The following ZNF839 variants were observed in gnomAD, a reference collection of about 807,000 sequenced individuals.
The protein encoded by ZNF839 is zinc finger protein 839, also known as renal carcinoma antigen NY-REN-50.
In ZNF839, 38 loss-of-function variants were observed where a neutral mutation model predicts 56.4. That is an observed-to-expected ratio of 0.67 (90% CI 0.52 to 0.88). The LOEUF (loss-of-function observed/expected upper bound fraction) is 0.88. ZNF839 is among the 40% of genes least tolerant of loss of function. The pLI, the probability that ZNF839 is intolerant of heterozygous loss-of-function variation, is 0.00. For synonymous variants in ZNF839, 486 were observed against 493.5 expected, an observed-to-expected ratio of 0.98 and a Z score of 0.20; for missense variants, 1,091 against 1,177.6, an observed-to-expected ratio of 0.93 and a Z score of 1.08.
rs978415671 is a variant in ZNF839 at position 102,330,087 on chromosome 14, G to A, written c.1192-1535G>A. On this transcript the variant is annotated intron_variant, in intron 2 of 7. Coordinates refer to ENST00000442396, the MANE Select transcript of ZNF839 (RefSeq NM_018335.6). ...TAGGATTACAGGCGTGAGCCATTGCGCCCGGCCTCAGATTTTCTACTTCTT... is the reference window on the plus strand; with the variant it reads ...TAGGATTACAGGCGTGAGCCATTGCACCCGGCCTCAGATTTTCTACTTCTT... Among the ~76,000 whole-genome samples the A allele has an allele frequency of 4.0e-5, 6 of 151,694 alleles. No individual in the cohort carries two copies. The South Asian group carries it at 1.2e-3, about 32-fold the overall frequency.
chr14:102,326,106 A>G lies in ZNF839; in HGVS notation c.410A>G (p.Asn137Ser), dbSNP rs1567285215. The change falls in exon 2 of 8, where the codon AAT becomes AGT. Residue 137 changes from asparagine (N) to serine (S), a missense_variant. By Grantham distance (46) the Asn-to-Ser change is conservative (BLOSUM62 1). Around this residue, in one of 3 missense-constraint regions of ZNF839, gnomAD observed 614 missense variants for 629.2 expected, o/e 0.98. Transcript: ENST00000442396. This position sits in a 1 kb window ranked among gnomAD's most constrained non-coding sequence, Gnocchi z 4.3. Reference sequence around the variant, plus strand: ...AGAAAGAGCCAGCTGCCCCGGGGGAATTCCTGCCTGGTGGGGCTCCATATC... The same window carrying G: ...AGAAAGAGCCAGCTGCCCCGGGGGAGTTCCTGCCTGGTGGGGCTCCATATC... ...TARKSQLPRGNSCLVGLHIAS... is the reference protein window; with the variant it reads ...TARKSQLPRGSSCLVGLHIAS... The G allele has an allele frequency of 5.6e-6, 9 of 1,613,938 alleles. No individual in the cohort carries two copies. Among genetic ancestry groups the G allele is most frequent in the East Asian group, 2.2e-5 (1 of 44,884 alleles).
Position 102,341,604 on chromosome 14 carries a change from A to G in ZNF839, c.2209A>G (p.Thr737Ala), listed in dbSNP as rs184177701. The G allele has an allele frequency of 6.2e-7, 1 of 1,613,878 alleles. No homozygotes were observed. The highest frequency in any genetic ancestry group is 8.5e-7 in the Non-Finnish European group (1 of 1,179,850). ...NALEHSSDQD[T>A]WDSLRSPGFC... is the part of the protein sequence containing the mutation. ...TTTGGAACACTCTTCAGACCAGGAC[A>G]CCTGGGACAGCCTGAGGAGCCCGGG... The change falls in exon 8 of 8, where the codon ACC becomes GCC. Residue 737 changes from threonine (T) to alanine (A), a missense_variant. Physicochemically the swap from Thr to Ala is moderately conservative, Grantham distance 58. Coordinates refer to ENST00000442396, the MANE Select transcript of ZNF839 (RefSeq NM_018335.6).
rs1421104945 is a variant in ZNF839, at chr14:102,335,761, G to A, written c.1582G>A (p.Val528Ile). 1.2e-6 allele frequency: 2 copies of A among 1,604,302 alleles called. No individual in the cohort carries two copies. Among genetic ancestry groups the A allele is most frequent in the South Asian group, 1.1e-5 (1 of 91,070 alleles). Residue 528 changes from valine to isoleucine, a missense_variant, in exon 5 of 8, where the codon GTT (valine) becomes ATT (isoleucine). Val to Ile is a conservative substitution (Grantham distance 29, BLOSUM62 3). Around this residue, in one of 3 missense-constraint regions of ZNF839, gnomAD observed 46 missense variants for 80.4 expected, o/e 0.57. Transcript: ENST00000442396. ...GGAATTTGAAGAGTTGCATAAAATG[G>A]TTAAGAAAATGTGCCAAGATTACCT... ...YKEFEELHKM[V>I]KKMCQDYLSS...
chr14:102,320,541 A>G (rs889389332), intron 1 of ZNF839, among the ~76,000 whole-genome samples: 1 of 152,230 alleles, frequency 6.6e-6, no homozygotes, highest in African/African-American at 2.4e-5. Context: ...GAGCTGAAAC[A>G]TAAATGAATT....
At chr14:102,328,375 AAT>A (rs71116898) in intron 2 of ZNF839, among the ~76,000 whole-genome samples, 39 of 16,348 alleles carry the variant, frequency 2.4e-3, no homozygotes, top group Admixed American at 6.3e-3. Flanking sequence ...AAAAAAAAAA[AAT>A]ATATATATAT....
intron 5 of ZNF839, 64 bp from the exon 6 acceptor site, chr14:102,338,752 A>C: frequency 1.2e-6 from 2 of 1,600,042 alleles, no homozygotes; most frequent in Non-Finnish European, 1.7e-6. Flanking sequence ...CTTGCATGTG[A>C]ATGTGCTTCT....
intron 1 of ZNF839, among the ~76,000 whole-genome samples, chr14:102,321,938 A>G (rs2073150586): frequency 6.6e-6 from 1 of 152,128 alleles, no homozygotes; most frequent in African/African-American, 2.4e-5. Flanking sequence ...GCACAGACCA[A>G]TGGACACACT....
intron 4 of ZNF839, 62 bp downstream of exon 4, chr14:102,334,708 T>C (rs1161860218): frequency 1.2e-6 from 1 of 829,992 alleles, no homozygotes; most frequent in Admixed American, 3.3e-5. Flanking sequence ...AGAAATAATA[T>C]TATTATTTAT....
chr14:102,326,151 G>A lies in ZNF839; in HGVS notation c.455G>A (p.Arg152Lys), dbSNP rs1432967320. The A allele has an allele frequency of 6.2e-7, 1 of 1,613,850 alleles. No homozygotes were observed. Among genetic ancestry groups the A allele is most frequent in the Admixed American group, 1.7e-5 (1 of 60,000 alleles). Residue 152 changes from arginine (R) to lysine (K), a missense_variant, in exon 2 of 8, where the codon AGG becomes AAG. Physicochemically the swap from Arg to Lys is conservative, Grantham distance 26 (BLOSUM62 2). Around this residue, in one of 3 missense-constraint regions of ZNF839, gnomAD observed 614 missense variants for 629.2 expected, o/e 0.98. Transcript: ENST00000442396. This position sits in a 1 kb window ranked among gnomAD's most constrained non-coding sequence, Gnocchi z 4.3. ...GLHIASPQLL[R>K]VQPLVRTEPQ... ...CATATCGCCAGCCCTCAGCTGCTCA[G>A]GGTACAGCCGCTTGTGAGAACCGAG...
intron 7 of ZNF839, among the ~76,000 whole-genome samples, chr14:102,339,738 G>C (rs1413530826): frequency 2.6e-5 from 4 of 151,374 alleles, no homozygotes; most frequent in African/African-American, 9.7e-5. Flanking sequence ...AACAGAGTGA[G>C]ACTCCATCTC....
At chr14:102,331,513 G>C in intron 2 of ZNF839, 109 bp from the exon 3 acceptor site, 1 of 948,436 alleles carries the variant, frequency 1.1e-6, no homozygotes, top group Non-Finnish European at 1.6e-6. Flanking sequence ...GGCTCCCAAA[G>C]TGCTGGGATT....
In ZNF839 at chr14:102,326,182, G is replaced by T. The variant is rs372423800; in HGVS notation, c.486G>T (p.Gln162His). 1 of 1,613,698 alleles carries T rather than the reference G, an allele frequency of 6.2e-7. No homozygotes were observed. The highest frequency in any genetic ancestry group is 8.5e-7 in the Non-Finnish European group (1 of 1,179,784). The change falls in exon 2 of 8, where the codon CAG (glutamine) becomes CAT (histidine). Residue 162 changes from glutamine (Q) to histidine (H), a missense_variant. Physicochemically the swap from Gln to His is conservative, Grantham distance 24 (BLOSUM62 0). Transcript: ENST00000442396. The surrounding 1 kb of genome is among the most constrained non-coding windows in gnomAD (Gnocchi z 4.3). ...AGCCGCTTGTGAGAACCGAGCCACA[G>T]TCCTGCTTCCTAAGTGACTTATGCC... Reference protein sequence around the residue: ...RVQPLVRTEPQSCFLSDLCQP... With the variant: ...RVQPLVRTEPHSCFLSDLCQP...
Position 102,326,760 on chromosome 14 carries a change from C to A in ZNF839, c.1064C>A (p.Thr355Asn), listed in dbSNP as rs936311514. 4.3e-6 allele frequency: 7 copies of A among 1,613,020 alleles called. No homozygotes were observed. Among genetic ancestry groups the A allele is most frequent in the African/African-American group, 2.7e-5 (2 of 75,022 alleles). The change falls in exon 2 of 8, where the codon ACC (threonine) becomes AAC (asparagine). Residue 355 changes from threonine (T) to asparagine (N), a missense_variant. Coordinates refer to ENST00000442396, the MANE Select transcript of ZNF839 (RefSeq NM_018335.6). The surrounding 1 kb of genome is among the most constrained non-coding windows in gnomAD (Gnocchi z 4.3). ...CTGTCTGAGAAAGCCAGTGGAAGCA[C>A]CCTCCGGGGGTGCACGGAGGAAAGG... ...MVLSEKASGS[T>N]LRGCTEERTL...
rs1886162188 is a variant in ZNF839, at chr14:102,338,905, G to A, written c.1749G>A (p.Met583Ile). ...GACCCAAGCACCTCAGCCGAGACAT[G>A]GATGGGGAGCAGCTAGAGGGAGCTA... ...NLGPKHLSRD[M>I]DGEQLEGASS... Residue 583 changes from methionine to isoleucine, a missense_variant, in exon 6 of 8, where the codon ATG (methionine) becomes ATA (isoleucine). Around this residue, in one of 3 missense-constraint regions of ZNF839, gnomAD observed 431 missense variants for 468.0 expected, o/e 0.92. Coordinates refer to ENST00000442396, the MANE Select transcript of ZNF839 (RefSeq NM_018335.6). The A allele has an allele frequency of 6.2e-7, 1 of 1,614,000 alleles. No individual in the cohort carries two copies. Among genetic ancestry groups the A allele is most frequent in the Non-Finnish European group, 8.5e-7 (1 of 1,179,898 alleles).
chr14:102,321,117 G>A (rs2073106465), intron 1 of ZNF839, among the ~76,000 whole-genome samples: 1 of 152,220 alleles, frequency 6.6e-6, no homozygotes, highest in East Asian at 1.9e-4. Context: ...CTGTCCAGAT[G>A]CCACACTATC....
intron 5 of ZNF839, among the ~76,000 whole-genome samples, chr14:102,336,413 G>A (rs910011010): frequency 6.6e-6 from 1 of 151,886 alleles, no homozygotes; most frequent in Admixed American, 6.6e-5. Flanking sequence ...TCCTGCCTCT[G>A]CCTCCCAAGT....
At chr14:102,328,376 ATATATATATATATATATATAT>A (rs1246853814) in intron 2 of ZNF839, among the ~76,000 whole-genome samples, 6 of 16,942 alleles carry the variant, frequency 3.5e-4, no homozygotes, top group Non-Finnish European at 6.8e-4. Flanking sequence ...AAAAAAAAAA[ATATATATATATATATATATAT>A]ATATATATAT....
chr14:102,335,285 C>T (rs971146180), intron 4 of ZNF839: 12 of 173,878 alleles, frequency 6.9e-5, no homozygotes, highest in Non-Finnish European at 9.7e-5. Context: ...AGAACCCACT[C>T]GCCCCAGCTG....
chr14:102,326,435 A>G lies in ZNF839; in HGVS notation c.739A>G (p.Lys247Glu). 6.2e-7 allele frequency: 1 copy of G among 1,613,976 alleles called. No homozygotes were observed. Among genetic ancestry groups the G allele is most frequent in the African/African-American group, 1.3e-5 (1 of 75,062 alleles). ...TEKLKKSLKV[K>E]TRSGRVSRPP... ...GAAACTAAAAAAATCGTTAAAAGTAAAGACACGTTCTGGACGGGTATCTCG... is the reference window on the plus strand; with the variant it reads ...GAAACTAAAAAAATCGTTAAAAGTAGAGACACGTTCTGGACGGGTATCTCG... Residue 247 changes from lysine to glutamate, a missense_variant, in exon 2 of 8, where the codon AAG (lysine) becomes GAG (glutamate). By Grantham distance (56) the Lys-to-Glu change is moderately conservative. Around this residue, in one of 3 missense-constraint regions of ZNF839, gnomAD observed 614 missense variants for 629.2 expected, o/e 0.98. Transcript: ENST00000442396. This position sits in a 1 kb window ranked among gnomAD's most constrained non-coding sequence, Gnocchi z 4.3.
Sources: gnomAD v4.1 joint callset for allele counts (sites outside exome capture counted in the v4.1 genomes callset) on GRCh38, gnomAD v4.1.1 for gene constraint, gnomAD v4.1.1 regional missense constraint, Gnocchi (gnomAD v3.1) non-coding constraint, MANE v1.5 for transcripts, NCBI Gene and HGNC (gene_info 2026-07-23, HGNC 2026-07-21) for gene names.